ATM: variants seen among roughly 807,000 people sequenced by gnomAD.
The protein encoded by ATM is ATM serine/threonine kinase, also known as serine-protein kinase ATM.
Under a neutral mutation model 387.0 loss-of-function variants are expected in ATM, and 308 were observed. That is an observed-to-expected ratio of 0.80 (90% CI 0.73 to 0.87). The LOEUF (loss-of-function observed/expected upper bound fraction) is 0.87. Among genes scored for constraint, ATM ranks in the 40% least tolerant of loss-of-function variants. The pLI is 0.00. For synonymous variants in ATM, 1,156 were observed against 1,187.3 expected (o/e 0.97, Z 0.54); for missense variants, 3,312 against 3,560.9 (o/e 0.93, Z 1.78).
intron 33 of ATM, among the ~76,000 whole-genome samples, chr11:108,298,072 TA>T (rs1165336596): frequency 6.6e-6 from 1 of 152,148 alleles, no homozygotes. Flanking sequence ...CTTAAATAAT[TA>T]AAAACCATTC....
At chr11:108,283,714 G>A (rs187295419) in intron 25 of ATM, among the ~76,000 whole-genome samples, 25 of 152,124 alleles carry the variant, frequency 1.6e-4, no homozygotes, top group African/African-American at 3.9e-4. Flanking sequence ...CTAAATTTAC[G>A]CGTACTCAAG....
chr11:108,257,676 G>A (rs546584300), intron 15 of ATM, 70 bp downstream of exon 15: 1 of 1,476,640 alleles, frequency 6.8e-7, no homozygotes, highest in East Asian at 2.3e-5. Flanking sequence ...CTGGAGTGCA[G>A]TGGGATTGTC....
chr11:108,244,821 CT>C lies in ATM; in HGVS notation c.698del (p.Leu233Ter). The C allele has an allele frequency of 6.2e-7, 1 of 1,613,754 alleles. No homozygotes were observed. Among genetic ancestry groups the C allele is most frequent in the Non-Finnish European group, 8.5e-7 (1 of 1,179,894 alleles). On this transcript the variant is annotated frameshift_variant, in exon 7 of 63. Coordinates refer to ENST00000675843, the MANE Select transcript of ATM (RefSeq NM_000051.4). LOFTEE classifies it high-confidence loss of function. ...EKSSSGLNHI[L>X]AALTIFLKTL... Reference sequence around the variant, plus strand: ...AGAGCTCTTCAGGTCTAAATCATATCTTAGCAGCTCTTACTATCTTCCTCAA... The same window carrying C: ...AGAGCTCTTCAGGTCTAAATCATATCTAGCAGCTCTTACTATCTTCCTCAA...
chr11:108,229,423 A>G (rs1015823706), intron 4 of ATM, 100 bp downstream of exon 4: 2 of 1,161,716 alleles, frequency 1.7e-6, no homozygotes, highest in Middle Eastern at 5.6e-4. Context: ...ACTGTTGCAT[A>G]AGTTTGTTCT....
chr11:108,271,004 T>C, intron 18 of ATM, 60 bp from the exon 19 acceptor site: 1 of 1,446,008 alleles, frequency 6.9e-7, no homozygotes. Flanking sequence ...TATGTTTATA[T>C]ACTTTTTAAA....
chr11:108,299,540 G>A (rs192573628), intron 33 of ATM, 174 bp from the exon 34 acceptor site: 7 of 570,574 alleles, frequency 1.2e-5, no homozygotes, highest in Middle Eastern at 5.1e-4. Context: ...CAGGTGATCC[G>A]CCCGCCTCTG....
intron 40 of ATM, among the ~76,000 whole-genome samples, chr11:108,313,811 A>G (rs2084373980): frequency 6.6e-6 from 1 of 152,206 alleles, no homozygotes; most frequent in Non-Finnish European, 1.5e-5. Context: ...TCACAGAGCA[A>G]GCACCATATA....
Position 108,227,611 on chromosome 11 carries a change from T to C in ATM, c.-14T>C, listed in dbSNP as rs766166610. The C allele has an allele frequency of 5.0e-6, 8 of 1,612,564 alleles. No homozygotes were observed. The Admixed American group carries it at 1.3e-4, about 27-fold the overall frequency. ...TTTTTACAGACAGTGATGTGTGTTC[T>C]GAAATTGTGAACCATGAGTCTAGTA... On this transcript the variant is annotated 5_prime_UTR_variant, in exon 2 of 63. Coordinates refer to ENST00000675843, the MANE Select transcript of ATM (RefSeq NM_000051.4).
At chr11:108,251,783 GTCTTTGCCCC>G in intron 10 of ATM, 44 bp from the exon 11 acceptor site, 1 of 1,565,620 alleles carries the variant, frequency 6.4e-7, no homozygotes, top group Non-Finnish European at 8.8e-7. Flanking sequence ...GATAGATAAA[GTCTTTGCCCC>G]TCCAATAGCT....
intron 61 of ATM, among the ~76,000 whole-genome samples, chr11:108,362,908 C>T (rs990650530): frequency 2.0e-5 from 3 of 151,768 alleles, no homozygotes; most frequent in Admixed American, 1.3e-4. Flanking sequence ...ATGTAACTAA[C>T]CTGCACAATG....
chr11:108,273,328 A>ATTTTTTTTTTTTTTTT (rs2081718897), intron 22 of ATM, among the ~76,000 whole-genome samples: 2 of 106,404 alleles, frequency 1.9e-5, no homozygotes, highest in African/African-American at 8.5e-5. Context: ...TATTAATTTC[A>ATTTTTTTTTTTTTTTT]TTCTTTTTTT....
chr11:108,310,427 G>C, intron 39 of ATM, 112 bp downstream of exon 39: 1 of 1,028,266 alleles, frequency 9.7e-7, no homozygotes, highest in Non-Finnish European at 1.4e-6. Context: ...AGATATTTTA[G>C]ATAGAAATTT....
chr11:108,294,847 C>T, intron 31 of ATM, 80 bp from the exon 32 acceptor site: 2 of 1,518,502 alleles, frequency 1.3e-6, no homozygotes, highest in Non-Finnish European at 1.8e-6. Flanking sequence ...TGGCACTTAA[C>T]TAATTTTTTT....
rs876658161 is a variant in ATM, at chr11:108,227,673, C to A, written c.49C>A (p.His17Asn). 5.6e-6 allele frequency: 9 copies of A among 1,613,598 alleles called. No individual in the cohort carries two copies. In the East Asian group the frequency reaches 1.8e-4, roughly 32 times the overall value. The change falls in exon 2 of 63, where the codon CAT becomes AAT. Residue 17 changes from histidine to asparagine, a missense_variant. Around this residue, in one of 4 missense-constraint regions of ATM, gnomAD observed 1,791 missense variants for 1,804.5 expected, o/e 0.99. Transcript: ENST00000675843. ...GCTTATCTGCTGCCGTCAACTAGAA[C>A]ATGATAGAGCTACAGAACGAAAGGT... ...DLLICCRQLE[H>N]DRATERKKEV...
rs200688912 is a variant in ATM at position 108,297,399 on chromosome 11, C to T, written c.5005+17C>T. 3.4e-5 allele frequency: 53 copies of T among 1,578,610 alleles called. No homozygotes were observed. Among genetic ancestry groups the T allele is most frequent in the East Asian group, 4.5e-5 (2 of 44,632 alleles). Reference sequence around the variant, plus strand: ...AAGTTCTAGGTAAACTACAGTCATGCGCTGCGTGACATTTCAGTCAACTGC... The same window carrying T: ...AAGTTCTAGGTAAACTACAGTCATGTGCTGCGTGACATTTCAGTCAACTGC... On this transcript the variant is annotated intron_variant, in intron 33 of 62. Transcript: ENST00000675843.
At chr11:108,232,491 G>A (rs1311692972) in intron 4 of ATM, among the ~76,000 whole-genome samples, 1 of 145,004 alleles carries the variant, frequency 6.9e-6, no homozygotes, top group Admixed American at 6.9e-5. Flanking sequence ...AGGCAGCTGA[G>A]AAGAAACAAG....
chr11:108,332,164 A>C, intron 52 of ATM, 127 bp downstream of exon 52: 6 of 1,230,230 alleles, frequency 4.9e-6, no homozygotes, highest in Non-Finnish European at 6.8e-6. Flanking sequence ...ACGGTGGCTC[A>C]CGCCTGTAAT....
Position 108,282,808 on chromosome 11 carries a change from A to C in ATM, c.3675A>C (p.Gln1225His), listed in dbSNP as rs1282542341. Reference protein sequence around the residue: ...DYLVLEWLNLQDTEYNLSSFP... With the variant: ...DYLVLEWLNLHDTEYNLSSFP... Reference sequence around the variant, plus strand: ...TGGTTTTGGAATGGCTAAATCTTCAAGATACTGAATACAACTTATCTTCTT... The same window carrying C: ...TGGTTTTGGAATGGCTAAATCTTCACGATACTGAATACAACTTATCTTCTT... Residue 1225 changes from glutamine to histidine, a missense_variant, in exon 25 of 63, where the codon CAA becomes CAC. Transcript: ENST00000675843. The C allele has an allele frequency of 6.4e-7, 1 of 1,570,214 alleles. No individual in the cohort carries two copies. Among genetic ancestry groups the C allele is most frequent in the African/African-American group, 1.4e-5 (1 of 74,060 alleles).
At chr11:108,301,325 A>G (rs959138195) in intron 34 of ATM, among the ~76,000 whole-genome samples, 29 of 152,196 alleles carry the variant, frequency 1.9e-4, no homozygotes, top group African/African-American at 6.0e-4. Context: ...GATGTGGACA[A>G]AAGGATTCCC....
Sources: gnomAD v4.1 joint callset for allele counts (sites outside exome capture counted in the v4.1 genomes callset) on GRCh38, gnomAD v4.1.1 for gene constraint, gnomAD v4.1.1 regional missense constraint, MANE v1.5 for transcripts, NCBI Gene and HGNC (gene_info 2026-07-23, HGNC 2026-07-21) for gene names.